CCSER1: variants seen among roughly 807,000 people sequenced by gnomAD.
CCSER1 encodes serine-rich coiled-coil domain-containing protein 1.
CCSER1 carries 41 observed loss-of-function variants against 82.0 expected under a neutral mutation model. That is an observed-to-expected ratio of 0.50 (90% CI 0.39 to 0.65). The LOEUF is 0.65. Among genes scored for constraint, CCSER1 ranks in the 30% least tolerant of loss-of-function variants. The pLI is 0.00. For missense variants in CCSER1, 1,119 were observed against 1,064.2 expected (o/e 1.05, Z -0.72); for synonymous variants, 414 against 383.9 (o/e 1.08, Z -0.92).
intron 7 of CCSER1, among the ~76,000 whole-genome samples, chr4:90,806,802 T>G (rs574461617): frequency 6.6e-6 from 1 of 151,968 alleles, no homozygotes; most frequent in East Asian, 1.9e-4. Context: ...CTCATTTGGC[T>G]CATAGAGAAT....
intron 9 of CCSER1, among the ~76,000 whole-genome samples, chr4:90,944,371 G>A (rs1343857673): frequency 1.3e-5 from 2 of 151,996 alleles, no homozygotes; most frequent in African/African-American, 4.8e-5. Flanking sequence ...ATACCAATCA[G>A]ATATCTTACC....
intron 8 of CCSER1, among the ~76,000 whole-genome samples, chr4:90,864,819 T>C (rs1765542588): frequency 6.6e-6 from 1 of 152,072 alleles, no homozygotes; most frequent in African/African-American, 2.4e-5. Context: ...TGCAAGTCGA[T>C]ATCTGTTGAA....
chr4:90,656,906 G>A (rs1192662073), intron 6 of CCSER1, among the ~76,000 whole-genome samples: 3 of 151,768 alleles, frequency 2.0e-5, no homozygotes, highest in Admixed American at 1.3e-4. Context: ...TGTAATGTTA[G>A]GACATTAAAA....
At chr4:90,268,098 A>G (rs1010982050) in intron 1 of CCSER1, among the ~76,000 whole-genome samples, 2 of 152,228 alleles carry the variant, frequency 1.3e-5, no homozygotes, top group African/African-American at 4.8e-5. Flanking sequence ...TCTCAGACAA[A>G]TAGAAGCTGA....
At chr4:91,356,075 C>G (rs1308244279) in intron 10 of CCSER1, among the ~76,000 whole-genome samples, 1 of 152,224 alleles carries the variant, frequency 6.6e-6, no homozygotes, top group Non-Finnish European at 1.5e-5. Flanking sequence ...CAAGAGTTAG[C>G]TTATCTGTTT....
At chr4:91,446,394 C>T (rs1326128189) in intron 10 of CCSER1, among the ~76,000 whole-genome samples, 1 of 151,960 alleles carries the variant, frequency 6.6e-6, no homozygotes, top group Non-Finnish European at 1.5e-5. Flanking sequence ...ATTTACATGT[C>T]AGAAGATTTA....
chr4:90,658,021 T>A (rs1447116432), intron 6 of CCSER1, among the ~76,000 whole-genome samples: 1 of 152,132 alleles, frequency 6.6e-6, no homozygotes, highest in East Asian at 1.9e-4. Flanking sequence ...TGAGAATTGC[T>A]TGAACCCAGG....
Position 90,552,623 on chromosome 4 carries a change from T to A in CCSER1, c.1725-75402T>A, listed in dbSNP as rs114650171. Among the ~76,000 whole-genome samples, 267 of 152,012 alleles carry A rather than the reference T, an allele frequency of 1.8e-3. 1 individual carries two copies. Among genetic ancestry groups the A allele is most frequent in the African/African-American group, 6.2e-3 (259 of 41,490 alleles). ...TAAGCATAACACTACACCTGGCTAATTTTTTGTATTTTTGATGGAAATGGG... is the reference window on the plus strand; with the variant it reads ...TAAGCATAACACTACACCTGGCTAAATTTTTGTATTTTTGATGGAAATGGG... On this transcript the variant is annotated intron_variant, in intron 5 of 10. Transcript: ENST00000509176.
At chr4:90,722,182 A>T (rs930062526) in intron 6 of CCSER1, among the ~76,000 whole-genome samples, 2 of 151,842 alleles carry the variant, frequency 1.3e-5, no homozygotes, top group African/African-American at 4.8e-5. Flanking sequence ...TTCAATTTTT[A>T]CAAATGAATG....
intron 9 of CCSER1, among the ~76,000 whole-genome samples, chr4:90,949,351 A>G (rs1175268283): frequency 2.6e-5 from 4 of 152,190 alleles, no homozygotes; most frequent in Non-Finnish European, 5.9e-5. Flanking sequence ...ATAAAAACAC[A>G]TAACAAAATA....
chr4:90,947,656 C>T (rs1472737860), intron 9 of CCSER1, among the ~76,000 whole-genome samples: 1 of 152,134 alleles, frequency 6.6e-6, no homozygotes, highest in Non-Finnish European at 1.5e-5. Flanking sequence ...CATTATTATA[C>T]TTGTCAGAAT....
rs140514057 is a variant in CCSER1 at position 90,850,762 on chromosome 4, G to T, written c.2094+34917G>T. On this transcript the variant is annotated intron_variant, in intron 8 of 10. Coordinates refer to ENST00000509176, the MANE Select transcript of CCSER1 (RefSeq NM_001145065.2). The stretch of plus-strand genomic sequence containing the variant: ...CTTGCCTTATCTCAAATGAGACTTT[G>T]GACTTGGACTTTTGGGTTAATGCTG... Among the ~76,000 whole-genome samples, 49 of 152,272 alleles carry T rather than the reference G, an allele frequency of 3.2e-4. No homozygotes were observed. In the East Asian group the frequency reaches 7.5e-3, roughly 23 times the overall value.
intron 8 of CCSER1, among the ~76,000 whole-genome samples, chr4:90,891,540 G>T (rs549179367): frequency 6.6e-6 from 1 of 151,944 alleles, no homozygotes; most frequent in South Asian, 2.1e-4. Flanking sequence ...CTAATTGTGG[G>T]TTTAATCAGA....
chr4:91,376,902 C>CTCCCCCTT (rs1553930094), intron 10 of CCSER1, among the ~76,000 whole-genome samples: 1 of 142,672 alleles, frequency 7.0e-6, no homozygotes, highest in African/African-American at 2.6e-5. Context: ...TACTATCCCT[C>CTCCCCCTT]CCCCCACCCA....
chr4:91,059,310 GTA>G (rs1170575036), intron 9 of CCSER1, among the ~76,000 whole-genome samples: 1 of 78,798 alleles, frequency 1.3e-5, no homozygotes. Flanking sequence ...ATATATACGT[GTA>G]TATATATATA....
intron 3 of CCSER1, among the ~76,000 whole-genome samples, chr4:90,389,845 A>T (rs963476813): frequency 2.4e-4 from 36 of 152,182 alleles, no homozygotes; most frequent in Admixed American, 2.4e-3. Flanking sequence ...AAAGTATTAT[A>T]GAGATGCAGT....
chr4:90,709,946 GTTT>G (rs200510091), intron 6 of CCSER1, among the ~76,000 whole-genome samples: 2 of 134,962 alleles, frequency 1.5e-5, no homozygotes, highest in Non-Finnish European at 1.6e-5. Context: ...GCCAGCATCT[GTTT>G]TTTTTTTTTT....
chr4:91,181,901 C>A (rs1303733266), intron 10 of CCSER1, among the ~76,000 whole-genome samples: 2 of 152,138 alleles, frequency 1.3e-5, no homozygotes, highest in Non-Finnish European at 2.9e-5. Context: ...TGCATCCAGG[C>A]ATTATTGCCA....
In CCSER1 at chr4:90,308,288, G is replaced by T; in HGVS notation, c.4G>T (p.Gly2Trp). 6.4e-7 allele frequency: 1 copy of T among 1,571,472 alleles called. No individual in the cohort carries two copies. The highest frequency in any genetic ancestry group is 1.2e-5 in the South Asian group (1 of 84,480). Reference protein sequence around the residue: MGDSGSRRSTLV... With the variant: MWDSGSRRSTLV... The stretch of plus-strand genomic sequence containing the variant: ...CAGTGCAAGCCTTTGATTCCCAATG[G>T]GGGACTCAGGATCAAGACGATCTAC... Residue 2 changes from glycine to tryptophan, a missense_variant, in exon 2 of 11, where the codon GGG becomes TGG. Gly to Trp is a radical substitution (Grantham distance 184). Transcript: ENST00000509176.
Sources: gnomAD v4.1 joint callset for allele counts (sites outside exome capture counted in the v4.1 genomes callset) on GRCh38, gnomAD v4.1.1 for gene constraint, MANE v1.5 for transcripts, NCBI Gene and HGNC (gene_info 2026-07-23, HGNC 2026-07-21) for gene names.